RHOBTB1: variants seen among roughly 807,000 people sequenced by gnomAD.
RHOBTB1 encodes rho-related BTB domain-containing protein 1.
RHOBTB1 carries 40 observed loss-of-function variants against 71.6 expected under a neutral mutation model. That is an observed-to-expected ratio of 0.56 (90% CI 0.43 to 0.73). RHOBTB1 has a LOEUF of 0.73. Ranked by LOEUF, RHOBTB1 falls within the 30% of genes least tolerant of loss-of-function variation. The pLI is 0.00. For synonymous variants in RHOBTB1, 319 were observed against 334.9 expected (o/e 0.95, Z 0.52); for missense variants, 797 against 894.0 (o/e 0.89, Z 1.38).
At chr10:60,942,911 A>G (rs1243071144) in intron 1 of RHOBTB1, among the ~76,000 whole-genome samples, 5 of 151,326 alleles carry the variant, frequency 3.3e-5, no homozygotes, top group African/African-American at 1.2e-4. Flanking sequence ...ACACCACCGC[A>G]GCGGTTGGGG....
At chr10:60,922,543 T>G (rs1380347068) in intron 2 of RHOBTB1, among the ~76,000 whole-genome samples, 1 of 152,192 alleles carries the variant, frequency 6.6e-6, no homozygotes, top group African/African-American at 2.4e-5. Context: ...CAGACTGCCA[T>G]GTCCACGGGG....
chr10:60,888,885 G>T lies in RHOBTB1; in HGVS notation c.783C>A (p.Asp261Glu), dbSNP rs779909004. 6.2e-7 allele frequency: 1 copy of T among 1,614,192 alleles called. No homozygotes were observed. The highest frequency in any genetic ancestry group is 8.5e-7 in the Non-Finnish European group (1 of 1,180,026). ...MGTNEAACLL[D>E]NPLCADVLFI... The stretch of plus-strand genomic sequence containing the variant: ...ACAGAACATCGGCACATAGAGGATT[G>T]TCCAGTAAACAGGCAGCTTCATTTG... The change falls in exon 6 of 11, where the codon GAC becomes GAA. Residue 261 changes from aspartate (D) to glutamate (E), a missense_variant. Asp to Glu is a conservative substitution (Grantham distance 45, BLOSUM62 2). Around this residue, in one of 2 missense-constraint regions of RHOBTB1, gnomAD observed 658 missense variants for 681.5 expected, o/e 0.97. Coordinates refer to ENST00000337910, the MANE Select transcript of RHOBTB1 (RefSeq NM_014836.5).
At chr10:60,868,533 C>A (rs3750799), downstream of RHOBTB1, among the ~76,000 whole-genome samples, 10,194 of 152,148 alleles carry the variant, frequency 0.067, 397 homozygotes, top group Admixed American at 0.073. Flanking sequence ...AACTAATATA[C>A]CATATATTGG....
intron 2 of RHOBTB1, among the ~76,000 whole-genome samples, chr10:60,958,323 C>A (rs796103597): frequency 6.6e-6 from 1 of 152,100 alleles, no homozygotes; most frequent in South Asian, 2.1e-4. Context: ...TCTTTAGAAG[C>A]CCAAACTTCT....
intron 4 of RHOBTB1, among the ~76,000 whole-genome samples, chr10:60,902,908 C>T (rs567130388): frequency 6.6e-6 from 1 of 152,288 alleles, no homozygotes; most frequent in South Asian, 2.1e-4. Flanking sequence ...CTACAAGACA[C>T]CAGGCCACGT....
chr10:60,961,282 C>T lies in RHOBTB1; in HGVS notation c.-61-19428G>A, dbSNP rs975142140. Among the ~76,000 whole-genome samples, 8 of 152,196 alleles carry T rather than the reference C, an allele frequency of 5.3e-5. No homozygotes were observed. The South Asian group carries it at 1.7e-3, about 32-fold the overall frequency. ...CATACTATGAGATGACACAGTATGC[C>T]TAGAGCTGGACACATCTGGATTAGA... On this transcript the variant is annotated intron_variant, in intron 2 of 11. Coordinates refer to the RHOBTB1 transcript ENST00000357917.
chr10:60,955,046 T>TC (rs200772918), intron 2 of RHOBTB1, among the ~76,000 whole-genome samples: 2 of 145,194 alleles, frequency 1.4e-5, no homozygotes, highest in Middle Eastern at 3.5e-3. Flanking sequence ...TTTCTTTCTT[T>TC]TTTTTTTTTT....
chr10:60,874,559 C>T (rs1026822953), intron 9 of RHOBTB1, among the ~76,000 whole-genome samples: 6 of 152,218 alleles, frequency 3.9e-5, no homozygotes, highest in Admixed American at 3.9e-4. Flanking sequence ...AACTCCAGAA[C>T]AGCTGCAATG....
chr10:60,918,118 T>C (rs1157297058), intron 2 of RHOBTB1, among the ~76,000 whole-genome samples: 2 of 152,200 alleles, frequency 1.3e-5, no homozygotes, highest in Admixed American at 6.5e-5. Context: ...TTGTGGGGCA[T>C]AGCTATTTGC....
the RHOBTB1 span, among the ~76,000 whole-genome samples, chr10:60,862,778 CTCTT>C: frequency 1.3e-4 from 18 of 136,756 alleles, no homozygotes; most frequent in East Asian, 2.1e-4. Flanking sequence ...TCCTCTTTTC[CTCTT>C]TCTTTCTTCC....
chr10:60,882,054 C>T (rs528693268), intron 7 of RHOBTB1, among the ~76,000 whole-genome samples: 7 of 152,084 alleles, frequency 4.6e-5, no homozygotes, highest in Non-Finnish European at 1.0e-4. Flanking sequence ...TAAAAAAGCC[C>T]GTTTCTGTGA....
At chr10:60,912,216 T>C (rs772193532) in intron 2 of RHOBTB1, among the ~76,000 whole-genome samples, 2,439 of 151,534 alleles carry the variant, frequency 0.016, 29 homozygotes, top group South Asian at 0.037. Flanking sequence ...TATATATGTG[T>C]ATATATATAC....
intron 2 of RHOBTB1, among the ~76,000 whole-genome samples, chr10:60,933,798 A>G (rs1461223040): frequency 6.6e-6 from 1 of 152,194 alleles, no homozygotes; most frequent in African/African-American, 2.4e-5. Context: ...AAAAAAAACT[A>G]ATATATGTCC....
rs767803910 is a variant in RHOBTB1 at position 60,874,925 on chromosome 10, T to TAAAAGGTA, written c.1815+21_1815+28dup. 2.7e-6 allele frequency: 4 copies of TAAAAGGTA among 1,477,992 alleles called. No homozygotes were observed. The African/African-American group carries it at 5.5e-5, about 20-fold the overall frequency. The allele number at this position is 1,477,992 out of a possible 1,614,324, so 91.6% of individuals were successfully genotyped here. On this transcript the variant is annotated intron_variant, in intron 9 of 10. Transcript: ENST00000337910. ...ATTAAATGAACTGATTGAACACACT[T>TAAAAGGTA]AAAAGGTAAAAAGCAAACTGTTACA...
intron 5 of RHOBTB1, among the ~76,000 whole-genome samples, chr10:60,891,761 T>C (rs1347646602): frequency 6.6e-6 from 1 of 152,174 alleles, no homozygotes; most frequent in Non-Finnish European, 1.5e-5. Context: ...TTGAGGGAAC[T>C]GACATTTTAA....
At position 60,889,022 on chromosome 10, in the gene RHOBTB1, A is replaced by G; in HGVS notation, c.646T>C (p.Phe216Leu). The G allele has an allele frequency of 6.2e-7, 1 of 1,614,162 alleles. No individual in the cohort carries two copies. The change falls in exon 6 of 11, where the codon TTC becomes CTC. Residue 216 changes from phenylalanine (F) to leucine (L), a missense_variant. Physicochemically the swap from Phe to Leu is conservative, Grantham distance 22. Coordinates refer to ENST00000337910, the MANE Select transcript of RHOBTB1 (RefSeq NM_014836.5). ...AALISRRHLQ[F>L]WKSHLKKVQK... ...ACTTTCTTTAGGTGGGATTTCCAGA[A>G]TTGCAGGTGCCTGCGGGAAATCAGC...
chr10:60,949,698 ACT>A (rs1292872418), intron 2 of RHOBTB1, among the ~76,000 whole-genome samples: 1 of 135,636 alleles, frequency 7.4e-6, no homozygotes, highest in Non-Finnish European at 1.5e-5. Flanking sequence ...TTAAAGCATA[ACT>A]TTGGAAACAA....
rs1343886121 is a variant in RHOBTB1, at chr10:60,870,080, C to T, written c.*1402G>A. ...GACCTCCCAACAGAATGAGCCCCAC[C>T]CCCTGCCACATTAACATCCCATGGC... On this transcript the variant is annotated 3_prime_UTR_variant, in exon 11 of 11. Coordinates refer to ENST00000337910, the MANE Select transcript of RHOBTB1 (RefSeq NM_014836.5). The T allele has an allele frequency of 6.6e-6, 1 of 152,594 alleles. No individual in the cohort carries two copies. Among genetic ancestry groups the T allele is most frequent in the Non-Finnish European group, 1.5e-5 (1 of 68,060 alleles). The allele number at this position is 152,594 out of a possible 1,614,324, so 9.5% of individuals were successfully genotyped here.
rs2080824237 is a variant in RHOBTB1 at position 60,872,177 on chromosome 10, A to G, written c.1921+8T>C. 2 of 1,595,536 alleles carry G rather than the reference A, an allele frequency of 1.3e-6. No individual in the cohort carries two copies. The highest frequency in any genetic ancestry group is 2.7e-5 in the African/African-American group (2 of 74,566). ...AGCTGGATGAATGGGGGCCTCACAC[A>G]GTCTCACCTGCAGATTTTGATTTGA... On this transcript the variant is annotated splice_region_variant and intron_variant, in intron 10 of 10. Coordinates refer to ENST00000337910, the MANE Select transcript of RHOBTB1 (RefSeq NM_014836.5).
Sources: gnomAD v4.1 joint callset for allele counts (sites outside exome capture counted in the v4.1 genomes callset) on GRCh38, gnomAD v4.1.1 for gene constraint, gnomAD v4.1.1 regional missense constraint, MANE v1.5 for transcripts, NCBI Gene and HGNC (gene_info 2026-07-23, HGNC 2026-07-21) for gene names.